The following UTP4 variants were observed in gnomAD, a reference collection of about 807,000 sequenced individuals.
UTP4 encodes UTP4 small subunit processome component.
A neutral mutation model predicts 82.4 loss-of-function variants in UTP4; 45 were observed. That is an observed-to-expected ratio of 0.55 (90% CI 0.43 to 0.70). The LOEUF (loss-of-function observed/expected upper bound fraction) is 0.70. Among genes scored for constraint, UTP4 ranks in the 30% least tolerant of loss-of-function variants. UTP4 has a pLI of 0.00. For synonymous variants in UTP4, 348 were observed against 300.3 expected, an observed-to-expected ratio of 1.16 and a Z score of -1.64; for missense variants, 819 against 858.3, an observed-to-expected ratio of 0.95 and a Z score of 0.57.
intron 8 of UTP4, among the ~76,000 whole-genome samples, chr16:69,153,026 T>C (rs1015590390): frequency 5.9e-5 from 9 of 152,228 alleles, no homozygotes; most frequent in African/African-American, 1.7e-4. Flanking sequence ...GTGTGTCTTA[T>C]AGAACCTGTC....
chr16:69,132,668 G>C lies in UTP4; in HGVS notation c.-24G>C, dbSNP rs560149524. 2 of 347,682 alleles carry C rather than the reference G, an allele frequency of 5.8e-6. No individual in the cohort carries two copies. Among genetic ancestry groups the C allele is most frequent in the East Asian group, 1.5e-4 (1 of 6,752 alleles). The allele number at this position is 347,682 out of a possible 1,614,324, so 21.5% of individuals were successfully genotyped here. On this transcript the variant is annotated 5_prime_UTR_variant, in exon 1 of 17. Coordinates refer to ENST00000314423, the MANE Select transcript of UTP4 (RefSeq NM_032830.3). ...CGGGGCGGAGAGAGGCGAGCACCGG[G>C]AAGGGGAGCGTGGGGCCGCTGGTGA...
At chr16:69,162,092 T>G (rs1454840542) in intron 13 of UTP4, among the ~76,000 whole-genome samples, 1 of 151,878 alleles carries the variant, frequency 6.6e-6, no homozygotes, top group East Asian at 1.9e-4. Context: ...CTCACCCTCC[T>G]GAGTAGCTGG....
intron 13 of UTP4, among the ~76,000 whole-genome samples, chr16:69,162,842 A>T (rs1379505967): frequency 6.6e-6 from 1 of 151,736 alleles, no homozygotes; most frequent in Non-Finnish European, 1.5e-5. Context: ...TGAGCTGATT[A>T]TCACGCCACT....
intron 7 of UTP4, 48 bp from the exon 8 acceptor site, chr16:69,150,765 C>T (rs763383534): frequency 2.5e-6 from 4 of 1,613,242 alleles, no homozygotes; most frequent in Non-Finnish European, 2.5e-6. Context: ...TGGCTGTTCT[C>T]GTGAGGATGA....
intron 13 of UTP4, among the ~76,000 whole-genome samples, chr16:69,161,862 G>T (rs950844407): frequency 1.1e-4 from 17 of 151,880 alleles, no homozygotes; most frequent in African/African-American, 3.4e-4. Flanking sequence ...AGGTTTTGCT[G>T]TGTTGCCCAG....
intron 4 of UTP4, 186 bp from the exon 5 acceptor site, chr16:69,139,639 A>AAAATAAAT (rs60340195): frequency 0.12 from 20,317 of 166,866 alleles, 1,444 homozygotes; most frequent in Non-Finnish European, 0.15. Context: ...CTCCGTCTCA[A>AAAATAAAT]AAATAAATAA....
intron 2 of UTP4, among the ~76,000 whole-genome samples, chr16:69,136,006 G>T (rs1398209965): frequency 6.6e-6 from 1 of 152,174 alleles, no homozygotes; most frequent in Non-Finnish European, 1.5e-5. Context: ...TGCAGCCTGG[G>T]CAATAAGAGC....
chr16:69,158,403 A>G (rs374280092), intron 12 of UTP4, among the ~76,000 whole-genome samples: 16 of 151,328 alleles, frequency 1.1e-4, no homozygotes, highest in African/African-American at 3.6e-4. Context: ...GGCTGAAGCA[A>G]TCCTCCTGCC....
chr16:69,168,285 A>C lies in UTP4; in HGVS notation c.1945-536A>C, dbSNP rs367771722. ...CCCCATCTCTACTAAAAATACAAAAAATTAGCCGGGCGTGGTGGTGGGCAC... is the reference window on the plus strand; with the variant it reads ...CCCCATCTCTACTAAAAATACAAAACATTAGCCGGGCGTGGTGGTGGGCAC... On this transcript the variant is annotated intron_variant, in intron 16 of 16. Coordinates refer to ENST00000314423, the MANE Select transcript of UTP4 (RefSeq NM_032830.3). Among the ~76,000 whole-genome samples, 72 of 151,948 alleles carry C rather than the reference A, an allele frequency of 4.7e-4. No individual in the cohort carries two copies. The South Asian group carries it at 0.015, about 31-fold the overall frequency.
intron 16 of UTP4, 143 bp from the exon 17 acceptor site, chr16:69,168,678 G>A: frequency 1.4e-6 from 1 of 729,874 alleles, no homozygotes; most frequent in South Asian, 1.5e-5. Context: ...TCCCAGGGCA[G>A]GAAAGATTGT....
chr16:69,163,203 A>G (rs376003513), intron 14 of UTP4, 25 bp downstream of exon 14: 8 of 1,557,580 alleles, frequency 5.1e-6, no homozygotes, highest in Non-Finnish European at 6.2e-6. Flanking sequence ...AGTGCTTTCT[A>G]TTCCCTTCCT....
At chr16:69,155,185 C>G (rs536223493) in intron 10 of UTP4, among the ~76,000 whole-genome samples, 10 of 152,074 alleles carry the variant, frequency 6.6e-5, no homozygotes, top group African/African-American at 2.2e-4. Context: ...TGTTTGCTTA[C>G]TTTTTTGAGG....
chr16:69,138,730 C>G (rs1196397657), intron 4 of UTP4, among the ~76,000 whole-genome samples: 1 of 152,184 alleles, frequency 6.6e-6, no homozygotes, highest in Admixed American at 6.5e-5. Flanking sequence ...TGTCTGCCAA[C>G]TCTGTCAGTG....
chr16:69,154,788 G>A (rs1235489353), intron 10 of UTP4, among the ~76,000 whole-genome samples: 3 of 151,684 alleles, frequency 2.0e-5, no homozygotes, highest in Non-Finnish European at 4.4e-5. Flanking sequence ...GAGTGCAATG[G>A]CACCACCTCA....
intron 4 of UTP4, 142 bp from the exon 5 acceptor site, chr16:69,139,683 T>TAAATAAAA (rs1450017499): frequency 3.5e-5 from 12 of 346,694 alleles, no homozygotes; most frequent in East Asian, 5.2e-5. Flanking sequence ...AATAAATAAA[T>TAAATAAAA]AAAATGGTGC....
At chr16:69,155,004 G>A (rs1302046133) in intron 10 of UTP4, among the ~76,000 whole-genome samples, 1 of 151,718 alleles carries the variant, frequency 6.6e-6, no homozygotes, top group African/African-American at 2.4e-5. Flanking sequence ...ATAGGCGTGA[G>A]CCACCGCGCC....
intron 4 of UTP4, among the ~76,000 whole-genome samples, chr16:69,139,423 G>C (rs1484637169): frequency 6.6e-6 from 1 of 151,686 alleles, no homozygotes; most frequent in East Asian, 2.0e-4. Flanking sequence ...TGGATCACTT[G>C]AGGTCAGGAG....
At chr16:69,154,957 TG>T (rs1368088021) in intron 10 of UTP4, among the ~76,000 whole-genome samples, 2 of 152,044 alleles carry the variant, frequency 1.3e-5, no homozygotes, top group African/African-American at 4.8e-5. Flanking sequence ...CGACCTCAGG[TG>T]ATCCGCCCGC....
intron 5 of UTP4, among the ~76,000 whole-genome samples, chr16:69,140,513 C>G (rs1371366567): frequency 5.9e-5 from 9 of 152,076 alleles, no homozygotes; most frequent in Non-Finnish European, 1.0e-4. Context: ...GTCGGGAGTT[C>G]AAGACCAGCC....
Sources: gnomAD v4.1 joint callset for allele counts (sites outside exome capture counted in the v4.1 genomes callset) on GRCh38, gnomAD v4.1.1 for gene constraint, MANE v1.5 for transcripts, NCBI Gene and HGNC (gene_info 2026-07-23, HGNC 2026-07-21) for gene names.